The following MN1 variants were observed in gnomAD, a reference collection of about 807,000 sequenced individuals.
MN1 encodes MN1 proto-oncogene, transcriptional regulator.
A neutral mutation model predicts 86.9 loss-of-function variants in MN1; 19 were observed. That is an observed-to-expected ratio of 0.22 (90% CI 0.15 to 0.32). The LOEUF (loss-of-function observed/expected upper bound fraction) is 0.32. MN1 is among the 10% of genes least tolerant of loss of function. The pLI is 1.00. For synonymous variants in MN1, 928 were observed against 849.6 expected, an observed-to-expected ratio of 1.09 and a Z score of -1.60; for missense variants, 1,841 against 1,862.0, an observed-to-expected ratio of 0.99 and a Z score of 0.21.
In MN1 at chr22:27,797,979, C is replaced by A; in HGVS notation, c.2565G>T (p.Glu855Asp). Residue 855 changes from glutamate to aspartate, a missense_variant, in exon 1 of 2, where the codon GAG (glutamate) becomes GAT (aspartate). By Grantham distance (45) the Glu-to-Asp change is conservative. Transcript: ENST00000302326. ...NVTFNKKNPP[E>D]GKRKLSQNET... Reference sequence around the variant, plus strand: ...CGTTCTGGCTCAGTTTCCTCTTGCCCTCTGGCGGGTTCTTCTTGTTGAAGG... The same window carrying A: ...CGTTCTGGCTCAGTTTCCTCTTGCCATCTGGCGGGTTCTTCTTGTTGAAGG... 6.3e-7 allele frequency: 1 copy of A among 1,592,606 alleles called. No individual in the cohort carries two copies. The highest frequency in any genetic ancestry group is 1.8e-5 in the Admixed American group (1 of 55,660).
chr22:27,749,882 C>T lies in MN1; in HGVS notation c.*1033G>A. On this transcript the variant is annotated 3_prime_UTR_variant, in exon 2 of 2. Coordinates refer to ENST00000302326, the MANE Select transcript of MN1 (RefSeq NM_002430.3). The stretch of plus-strand genomic sequence containing the variant: ...AGGAGATACACGCAGTCCCCTCCTT[C>T]TTCCCTGGGATGCCCGGCCAGGAAC... The T allele has an allele frequency of 4.3e-6, 1 of 230,510 alleles. No homozygotes were observed. Among genetic ancestry groups the T allele is most frequent in the East Asian group, 6.2e-5 (1 of 16,210 alleles). The allele number at this position is 230,510 out of a possible 1,614,324, so 14.3% of individuals were successfully genotyped here.
Position 27,797,437 on chromosome 22 carries a change from C to T in MN1, c.3107G>A (p.Ser1036Asn). 1 of 1,608,432 alleles carries T rather than the reference C, an allele frequency of 6.2e-7. No individual in the cohort carries two copies. Among genetic ancestry groups the T allele is most frequent in the Non-Finnish European group, 8.5e-7 (1 of 1,177,766 alleles). Residue 1036 changes from serine to asparagine, a missense_variant, in exon 1 of 2, where the codon AGT (serine) becomes AAT (asparagine). Transcript: ENST00000302326. ...GSLDGGAKSD[S>N]SSPNVGEFAS... Reference sequence around the variant, plus strand: ...GAACTCACCCACGTTTGGCGAACTACTGTCCGACTTGGCCCCGCCGTCCAG... The same window carrying T: ...GAACTCACCCACGTTTGGCGAACTATTGTCCGACTTGGCCCCGCCGTCCAG...
At chr22:27,754,508 C>T (rs1233275634) in intron 1 of MN1, among the ~76,000 whole-genome samples, 1 of 152,192 alleles carries the variant, frequency 6.6e-6, no homozygotes, top group Non-Finnish European at 1.5e-5. Context: ...AGAAAGAGAG[C>T]CAACCAGTCT....
chr22:27,757,095 C>G (rs777844970), intron 1 of MN1, among the ~76,000 whole-genome samples: 3 of 151,792 alleles, frequency 2.0e-5, no homozygotes, highest in Non-Finnish European at 2.9e-5. Context: ...CCTGGTACTA[C>G]TGTTGCTCTT....
At chr22:27,767,463 G>A (rs1223786931) in intron 1 of MN1, among the ~76,000 whole-genome samples, 1 of 152,128 alleles carries the variant, frequency 6.6e-6, no homozygotes. Context: ...TAGAGTTCTT[G>A]TTTATTTTAG....
chr22:27,785,098 G>A (rs1933108024), intron 1 of MN1, among the ~76,000 whole-genome samples: 1 of 119,802 alleles, frequency 8.3e-6, no homozygotes, highest in African/African-American at 3.1e-5. Flanking sequence ...ACACACACAC[G>A]GGTTTCCATC....
intron 1 of MN1, among the ~76,000 whole-genome samples, chr22:27,790,067 C>A (rs1933189798): frequency 6.6e-6 from 1 of 152,246 alleles, no homozygotes; most frequent in Admixed American, 6.5e-5. Context: ...CCCTTTTGGG[C>A]AAACACCGGG....
chr22:27,782,030 T>C (rs1480956560), intron 1 of MN1, among the ~76,000 whole-genome samples: 1 of 152,120 alleles, frequency 6.6e-6, no homozygotes, highest in African/African-American at 2.4e-5. Flanking sequence ...GCGGACCAGC[T>C]CATCTCATGG....
chr22:27,794,303 C>G (rs1933255426), intron 1 of MN1, among the ~76,000 whole-genome samples: 1 of 152,160 alleles, frequency 6.6e-6, no homozygotes, highest in Admixed American at 6.5e-5. Context: ...GATTCAGATG[C>G]AGATACCTTA....
At chr22:27,766,192 C>T (rs1017612007) in intron 1 of MN1, among the ~76,000 whole-genome samples, 3 of 152,254 alleles carry the variant, frequency 2.0e-5, no homozygotes, top group Middle Eastern at 3.4e-3. Context: ...CTGCCAGGAC[C>T]GGGACTCCGT....
chr22:27,796,625 A>T, intron 1 of MN1, 138 bp downstream of exon 1: 1 of 840,698 alleles, frequency 1.2e-6, no homozygotes, highest in Admixed American at 2.7e-5. Context: ...CAAAGGTGGG[A>T]TAACCAGCTC....
At chr22:27,762,250 G>A (rs1601325325) in intron 1 of MN1, among the ~76,000 whole-genome samples, 1 of 152,226 alleles carries the variant, frequency 6.6e-6, no homozygotes, top group Non-Finnish European at 1.5e-5. Flanking sequence ...TGATGGTGGT[G>A]TTGCCCGCGT....
chr22:27,787,801 C>T (rs975483046), intron 1 of MN1, among the ~76,000 whole-genome samples: 23 of 152,178 alleles, frequency 1.5e-4, no homozygotes, highest in African/African-American at 5.5e-4. Flanking sequence ...GCCACAGGCA[C>T]GTCTGGGTCC....
chr22:27,766,822 C>T (rs1288099314), intron 1 of MN1, among the ~76,000 whole-genome samples: 4 of 152,166 alleles, frequency 2.6e-5, no homozygotes, highest in African/African-American at 9.7e-5. Context: ...CAGACCCCCT[C>T]CTCGTCCCGA....
At position 27,750,926 on chromosome 22, in the gene MN1, C is replaced by T; in HGVS notation, c.3952G>A (p.Ala1318Thr). 1.3e-6 allele frequency: 2 copies of T among 1,593,724 alleles called. No homozygotes were observed. The highest frequency in any genetic ancestry group is 1.1e-5 in the South Asian group (1 of 88,030). Residue 1318 changes from alanine (A) to threonine (T), a missense_variant, in exon 2 of 2, where the codon GCC (alanine) becomes ACC (threonine). Physicochemically the swap from Ala to Thr is moderately conservative, Grantham distance 58 (BLOSUM62 0). Transcript: ENST00000302326. ...ATCTTTCTTGTCATTCAAGTTAGGG[C>T]AGCCACGAATGTCCCAAATCTGTTG... ...ISNRFGTFVA[A>T]LT
chr22:27,758,441 G>A (rs527467212), intron 1 of MN1, among the ~76,000 whole-genome samples: 4 of 152,290 alleles, frequency 2.6e-5, no homozygotes, highest in African/African-American at 9.6e-5. Flanking sequence ...CCCTGGCTCC[G>A]GCTACCATGA....
intron 1 of MN1, 35 bp downstream of exon 1, chr22:27,796,727 AC>A (rs766654605): frequency 3.5e-6 from 5 of 1,437,368 alleles, no homozygotes; most frequent in Non-Finnish European, 4.7e-6. Flanking sequence ...GGGGCGGGTC[AC>A]CCGGGAAGTG....
At chr22:27,796,253 T>A (rs1471475697) in intron 1 of MN1, among the ~76,000 whole-genome samples, 1 of 152,056 alleles carries the variant, frequency 6.6e-6, no homozygotes. Flanking sequence ...GCTGGTAACT[T>A]TTTTTTCCTA....
chr22:27,798,304 G>T lies in MN1; in HGVS notation c.2240C>A (p.Pro747Gln). The change falls in exon 1 of 2, where the codon CCG (proline) becomes CAG (glutamine). Residue 747 changes from proline to glutamine, a missense_variant. By Grantham distance (76) the Pro-to-Gln change is moderately conservative. Transcript: ENST00000302326. Reference protein sequence around the residue: ...TSALGGQPGFPFGAAGRQSTP... With the variant: ...TSALGGQPGFQFGAAGRQSTP... ...GGACTGCCGGCCGGCTGCACCAAAC[G>T]GAAAGCCCGGCTGGCCCCCGAGCGC... The T allele has an allele frequency of 6.6e-7, 1 of 1,523,474 alleles. No individual in the cohort carries two copies. Among genetic ancestry groups the T allele is most frequent in the Non-Finnish European group, 8.7e-7 (1 of 1,145,178 alleles). The allele number at this position is 1,523,474 out of a possible 1,614,324, so 94.4% of individuals were successfully genotyped here. A position where few individuals can be genotyped will look rare whatever the true frequency, so the allele number is the denominator to read the frequency against.
Sources: allele counts gnomAD v4.1 joint callset (sites outside exome capture counted in the v4.1 genomes callset), GRCh38; gene constraint gnomAD v4.1.1; transcripts MANE v1.5; gene names NCBI Gene and HGNC (gene_info 2026-07-23, HGNC 2026-07-21).